The following PDSS2 variants were observed in gnomAD, a reference collection of about 807,000 sequenced individuals.
PDSS2 encodes all trans-polyprenyl-diphosphate synthase PDSS2.
A neutral mutation model predicts 44.5 loss-of-function variants in PDSS2; 31 were observed. The observed-to-expected ratio is 0.70, with a 90% CI of 0.52 to 0.94. The LOEUF is 0.94. PDSS2 is among the 40% of genes least tolerant of loss of function. The pLI is 0.00. For synonymous variants in PDSS2, 157 were observed against 180.3 expected (o/e 0.87, Z 1.03); for missense variants, 452 against 482.2 (o/e 0.94, Z 0.59).
intron 1 of PDSS2, among the ~76,000 whole-genome samples, chr6:107,402,383 T>C (rs1780135849): frequency 7.4e-6 from 1 of 135,754 alleles, no homozygotes; most frequent in African/African-American, 2.7e-5. Context: ...TAAATCATAG[T>C]GTATTAGTCT....
At chr6:107,407,102 A>G (rs1275920795) in intron 1 of PDSS2, among the ~76,000 whole-genome samples, 4 of 152,232 alleles carry the variant, frequency 2.6e-5, no homozygotes, top group African/African-American at 9.6e-5. Context: ...CATAAGATGC[A>G]ATATTATTCA....
Position 107,173,626 on chromosome 6 carries a change from G to A in PDSS2, c.1042-18849C>T, listed in dbSNP as rs569686943. 4.3e-5 allele frequency among the ~76,000 whole-genome samples: 6 copies of A among 140,862 alleles called. No homozygotes were observed. The South Asian group carries it at 1.2e-3, about 27-fold the overall frequency. 92.4% of individuals were successfully genotyped at this position (140,862 alleles called of 152,430 possible). ...TTAGAACAGGAAAGCAGTCTCTAGTGTCATGCTACCAGAACTTAATGCTTG... is the reference window on the plus strand; with the variant it reads ...TTAGAACAGGAAAGCAGTCTCTAGTATCATGCTACCAGAACTTAATGCTTG... On this transcript the variant is annotated intron_variant, in intron 7 of 7. Transcript: ENST00000369037.
At chr6:107,164,787 T>TG (rs1771281117) in intron 7 of PDSS2, among the ~76,000 whole-genome samples, 1 of 152,176 alleles carries the variant, frequency 6.6e-6, no homozygotes, top group South Asian at 2.1e-4. Flanking sequence ...CCATCAACAG[T>TG]GTCAAAGTGT....
intron 1 of PDSS2, among the ~76,000 whole-genome samples, chr6:107,401,086 C>G (rs1780092682): frequency 6.6e-6 from 1 of 152,198 alleles, no homozygotes; most frequent in African/African-American, 2.4e-5. Context: ...ACAGCAGGCT[C>G]TCACCTGTAA....
intron 1 of PDSS2, among the ~76,000 whole-genome samples, chr6:107,376,254 T>G (rs1032588201): frequency 1.3e-5 from 2 of 152,056 alleles, no homozygotes; most frequent in African/African-American, 4.8e-5. Context: ...GGCTCTTTTT[T>G]GGTTCCATAT....
intron 2 of PDSS2, among the ~76,000 whole-genome samples, chr6:107,329,206 T>A (rs527683529): frequency 6.6e-6 from 1 of 152,226 alleles, no homozygotes; most frequent in Non-Finnish European, 1.5e-5. Flanking sequence ...ACTTACAGAA[T>A]GCTTACTATG....
intron 2 of PDSS2, among the ~76,000 whole-genome samples, chr6:107,325,701 T>G (rs537261275): frequency 5.3e-5 from 8 of 152,160 alleles, no homozygotes; most frequent in African/African-American, 1.4e-4. Flanking sequence ...CAGGATAGGG[T>G]TTCTAAGCTA....
At chr6:107,341,183 G>A (rs1778067189) in intron 1 of PDSS2, among the ~76,000 whole-genome samples, 1 of 152,144 alleles carries the variant, frequency 6.6e-6, no homozygotes, top group South Asian at 2.1e-4. Flanking sequence ...TGGCAATAGG[G>A]ATGGGGAAGA....
intron 2 of PDSS2, among the ~76,000 whole-genome samples, chr6:107,313,354 T>G (rs942026471): frequency 6.6e-5 from 10 of 152,104 alleles, no homozygotes; most frequent in Non-Finnish European, 1.2e-4. Flanking sequence ...TTGTTTTACT[T>G]TATTTATTTA....
At chr6:107,180,088 T>C (rs932999986) in intron 7 of PDSS2, among the ~76,000 whole-genome samples, 1 of 152,220 alleles carries the variant, frequency 6.6e-6, no homozygotes, top group African/African-American at 2.4e-5. Context: ...CTCTCCACTA[T>C]ATTTTATGAC....
chr6:107,180,133 TA>T lies in PDSS2; in HGVS notation c.1041+13688del, dbSNP rs1386962993. ...GATAGTGTTCCCTTCAGATCCACTTTAAAACAGTTTTAATGGACTAAACAGG... is the reference window on the plus strand; with the variant it reads ...GATAGTGTTCCCTTCAGATCCACTTTAAACAGTTTTAATGGACTAAACAGG... On this transcript the variant is annotated intron_variant, in intron 7 of 7. Transcript: ENST00000369037. Among the ~76,000 whole-genome samples the T allele has an allele frequency of 3.9e-5, 6 of 152,224 alleles. No individual in the cohort carries two copies. The East Asian group carries it at 7.7e-4, about 19-fold the overall frequency.
intron 3 of PDSS2, among the ~76,000 whole-genome samples, chr6:107,269,000 T>G (rs940015962): frequency 6.6e-6 from 1 of 151,328 alleles, no homozygotes; most frequent in Admixed American, 6.6e-5. Flanking sequence ...AGTGCAGTGG[T>G]GCGATCTCGG....
intron 3 of PDSS2, among the ~76,000 whole-genome samples, chr6:107,273,413 G>T (rs2114940237): frequency 6.6e-6 from 1 of 152,054 alleles, no homozygotes; most frequent in Non-Finnish European, 1.5e-5. Context: ...AGGGAAAATT[G>T]ATATGCAAAG....
intron 2 of PDSS2, among the ~76,000 whole-genome samples, chr6:107,302,711 A>C (rs1393329022): frequency 1.3e-5 from 2 of 152,148 alleles, no homozygotes; most frequent in African/African-American, 4.8e-5. Context: ...GTCATATGAG[A>C]GTATGCTCTT....
At chr6:107,361,438 C>A (rs1433228730) in intron 1 of PDSS2, among the ~76,000 whole-genome samples, 9 of 152,188 alleles carry the variant, frequency 5.9e-5, no homozygotes, top group Non-Finnish European at 1.3e-4. Flanking sequence ...ATAATTGATG[C>A]TCTCTGACCC....
intron 7 of PDSS2, among the ~76,000 whole-genome samples, chr6:107,190,126 C>A (rs943521951): frequency 6.6e-6 from 1 of 151,556 alleles, no homozygotes; most frequent in East Asian, 1.9e-4. Flanking sequence ...CATCAATGTT[C>A]AATTGTCACT....
rs1455221337 is a variant in PDSS2 at position 107,172,782 on chromosome 6, T to G, written c.1042-18005A>C. On this transcript the variant is annotated intron_variant, in intron 7 of 7. Transcript: ENST00000369037. ...CACACACACACATTCTTTTTTTTTT[T>G]CTTCTTCTTTTTTTTTTAAAATGTG... 6.8e-4 allele frequency among the ~76,000 whole-genome samples: 103 copies of G among 151,310 alleles called. 1 individual carries two copies. The highest frequency in any genetic ancestry group is 1.5e-4 in the Non-Finnish European group (10 of 67,820).
intron 1 of PDSS2, among the ~76,000 whole-genome samples, chr6:107,446,190 C>T (rs550233754): frequency 7.8e-4 from 119 of 152,026 alleles, no homozygotes; most frequent in Non-Finnish European, 1.5e-3. Flanking sequence ...GTGGTGCACA[C>T]CTGTAGTCCC....
At chr6:107,426,187 G>A (rs2114726363) in intron 1 of PDSS2, among the ~76,000 whole-genome samples, 1 of 152,244 alleles carries the variant, frequency 6.6e-6, no homozygotes, top group Non-Finnish European at 1.5e-5. Flanking sequence ...TGTAGTCTAG[G>A]GACTTGGTCC....
Sources: gnomAD v4.1 joint callset for allele counts (sites outside exome capture counted in the v4.1 genomes callset) on GRCh38, gnomAD v4.1.1 for gene constraint, MANE v1.5 for transcripts, NCBI Gene and HGNC (gene_info 2026-07-23, HGNC 2026-07-21) for gene names.